Variants in ABCB5 observed in about 807,000 individuals in gnomAD.
The protein encoded by ABCB5 is ATP-binding cassette sub-family B member 5.
In ABCB5, 155 loss-of-function variants were observed where a neutral mutation model predicts 144.2. The ratio of observed to expected loss-of-function variants is 1.08; its 90% CI spans 0.94 to 1.23. ABCB5 has a LOEUF of 1.23. Among genes scored for constraint, ABCB5 ranks in the 50% most tolerant of loss-of-function variants. The pLI, the probability that ABCB5 is intolerant of heterozygous loss-of-function variation, is 0.00. For synonymous variants in ABCB5, 610 were observed against 528.6 expected (o/e 1.15, Z -2.11); for missense variants, 1,830 against 1,520.8 (o/e 1.20, Z -3.38).
chr7:20,706,977 T>C lies in ABCB5; in HGVS notation c.2421+2170T>C, dbSNP rs147231972. The stretch of plus-strand genomic sequence containing the variant: ...TATAAAGATGGATTCATATTCAATT[T>C]CAATGGACAGTTTTTCTATAAAAGG... On this transcript the variant is annotated intron_variant, in intron 20 of 27. Transcript: ENST00000404938. 6.0e-3 allele frequency among the ~76,000 whole-genome samples: 909 copies of C among 152,346 alleles called. 8 individuals are homozygous for C. The highest frequency in any genetic ancestry group is 0.021 in the African/African-American group (872 of 41,586).
At chr7:20,681,146 T>C (rs563723324) in intron 14 of ABCB5, among the ~76,000 whole-genome samples, 27 of 149,460 alleles carry the variant, frequency 1.8e-4, no homozygotes, top group South Asian at 8.6e-4. Flanking sequence ...GTCTTCTTTT[T>C]TGAGACGGAG....
At chr7:20,721,668 A>G (rs1202935670) in intron 20 of ABCB5, among the ~76,000 whole-genome samples, 1 of 152,208 alleles carries the variant, frequency 6.6e-6, no homozygotes, top group Admixed American at 6.5e-5. Context: ...GCATGATTAT[A>G]ATATCTTCAC....
chr7:20,634,360 C>T (rs756780227), intron 5 of ABCB5, among the ~76,000 whole-genome samples: 3 of 151,728 alleles, frequency 2.0e-5, no homozygotes, highest in Non-Finnish European at 4.4e-5. Flanking sequence ...AATAAACATA[C>T]AAGTGCAGGT....
intron 24 of ABCB5, among the ~76,000 whole-genome samples, chr7:20,741,018 G>A (rs1042280528): frequency 1.4e-4 from 21 of 150,954 alleles, no homozygotes; most frequent in African/African-American, 3.9e-4. Context: ...CAGGAGGATC[G>A]CTTGAACCTG....
chr7:20,731,385 T>TATACAC lies in ABCB5; in HGVS notation c.2867+2931_2867+2932insTACACA, dbSNP rs1554289445. The stretch of plus-strand genomic sequence containing the variant: ...AAAAAAAAAAATATATATATATATA[T>TATACAC]ACATATAAAATTTACTGGATCCTGT... On this transcript the variant is annotated intron_variant, in intron 23 of 27. Transcript: ENST00000404938. Among the ~76,000 whole-genome samples the TATACAC allele has an allele frequency of 6.1e-5, 9 of 147,194 alleles. No individual in the cohort carries two copies. In the East Asian group the frequency reaches 1.8e-3, roughly 29 times the overall value.
At chr7:20,629,696 A>G (rs2128018644) in intron 4 of ABCB5, among the ~76,000 whole-genome samples, 1 of 152,288 alleles carries the variant, frequency 6.6e-6, no homozygotes, top group African/African-American at 2.4e-5. Context: ...CAGGAGGCAG[A>G]GGTTGCATTG....
At chr7:20,672,719 TTTTG>T (rs984935607) in intron 14 of ABCB5, among the ~76,000 whole-genome samples, 11 of 152,158 alleles carry the variant, frequency 7.2e-5, no homozygotes, top group East Asian at 1.9e-4. Context: ...TTAAGGTTCC[TTTTG>T]TTTGTTTGTT....
At chr7:20,616,432 T>C (rs1783686872) in intron 1 of ABCB5, among the ~76,000 whole-genome samples, 1 of 152,256 alleles carries the variant, frequency 6.6e-6, no homozygotes, top group African/African-American at 2.4e-5. Context: ...TGCTTGAACG[T>C]TAAGTGCATC....
intron 23 of ABCB5, among the ~76,000 whole-genome samples, chr7:20,730,832 A>G (rs940008372): frequency 2.0e-5 from 3 of 152,200 alleles, no homozygotes; most frequent in African/African-American, 7.2e-5. Context: ...AACTCAAAAC[A>G]TGTTTTCCTC....
intron 5 of ABCB5, among the ~76,000 whole-genome samples, chr7:20,633,774 C>G (rs1179803314): frequency 2.6e-5 from 4 of 152,126 alleles, no homozygotes; most frequent in Admixed American, 1.3e-4. Context: ...CCTTCCTTCT[C>G]TCTACCTTTC....
chr7:20,667,445 T>C, intron 14 of ABCB5: 2 of 985,564 alleles, frequency 2.0e-6, no homozygotes, highest in Non-Finnish European at 2.4e-6. Flanking sequence ...AGACCTTTTC[T>C]AGTTGCAACC....
chr7:20,660,313 T>A (rs1784963542), intron 14 of ABCB5: 1 of 984,922 alleles, frequency 1.0e-6, no homozygotes, highest in African/African-American at 1.7e-5. Context: ...TATGGGGGAA[T>A]TTAACTTATT....
intron 20 of ABCB5, among the ~76,000 whole-genome samples, chr7:20,710,774 G>T (rs918813399): frequency 2.0e-5 from 3 of 150,042 alleles, no homozygotes; most frequent in Non-Finnish European, 4.5e-5. Flanking sequence ...TTCATTTAAT[G>T]TGGTTATCAA....
At chr7:20,724,617 C>T (rs1365059111) in intron 21 of ABCB5, among the ~76,000 whole-genome samples, 1 of 111,362 alleles carries the variant, frequency 9.0e-6, no homozygotes, top group Non-Finnish European at 1.7e-5. Flanking sequence ...CGACAGAGCA[C>T]AGCTCTGTCT....
chr7:20,710,889 G>C (rs1583441962), intron 20 of ABCB5, among the ~76,000 whole-genome samples: 1 of 149,916 alleles, frequency 6.7e-6, no homozygotes, highest in South Asian at 2.2e-4. Flanking sequence ...AAATTTTTTA[G>C]TATTCTATTT....
At chr7:20,656,659 A>G (rs1262868076) in intron 13 of ABCB5, among the ~76,000 whole-genome samples, 2 of 151,066 alleles carry the variant, frequency 1.3e-5, no homozygotes, top group East Asian at 3.9e-4. Flanking sequence ...CATTCAAATA[A>G]AAGTGAAATC....
chr7:20,741,909 C>T (rs971510597), intron 24 of ABCB5, among the ~76,000 whole-genome samples: 1 of 152,056 alleles, frequency 6.6e-6, no homozygotes, highest in Non-Finnish European at 1.5e-5. Flanking sequence ...TCTTATGAAC[C>T]AAATATATAA....
chr7:20,706,979 A>T (rs1378760425), intron 20 of ABCB5, among the ~76,000 whole-genome samples: 7 of 152,218 alleles, frequency 4.6e-5, no homozygotes, highest in African/African-American at 1.7e-4. Flanking sequence ...ATTCAATTTC[A>T]ATGGACAGTT....
intron 13 of ABCB5, among the ~76,000 whole-genome samples, chr7:20,654,464 A>T (rs912101109): frequency 1.3e-5 from 2 of 152,208 alleles, no homozygotes; most frequent in African/African-American, 4.8e-5. Context: ...GAATATCAGT[A>T]AGAATATAGA....
Sources: gnomAD v4.1 joint callset for allele counts (sites outside exome capture counted in the v4.1 genomes callset) on GRCh38, gnomAD v4.1.1 for gene constraint, MANE v1.5 for transcripts, NCBI Gene and HGNC (gene_info 2026-07-23, HGNC 2026-07-21) for gene names.